The following PNPT1 variants were observed in gnomAD, a reference collection of about 807,000 sequenced individuals.
The protein encoded by PNPT1 is polyribonucleotide nucleotidyltransferase 1, also known as polyribonucleotide nucleotidyltransferase 1, mitochondrial.
PNPT1 carries 53 observed loss-of-function variants against 119.5 expected under a neutral mutation model. The ratio of observed to expected loss-of-function variants is 0.44; its 90% CI spans 0.36 to 0.56. PNPT1 has a LOEUF of 0.56. Among genes scored for constraint, PNPT1 ranks in the 20% least tolerant of loss-of-function variants. The pLI is 0.00. For missense variants in PNPT1, 948 were observed against 938.5 expected, an observed-to-expected ratio of 1.01 and a Z score of -0.13; for synonymous variants, 357 against 322.1, an observed-to-expected ratio of 1.11 and a Z score of -1.16.
At chr2:55,670,011 G>C (rs1444725289) in intron 11 of PNPT1, among the ~76,000 whole-genome samples, 4 of 151,924 alleles carry the variant, frequency 2.6e-5, no homozygotes. Flanking sequence ...CACCCACTTT[G>C]GCTTCCCAAA....
chr2:55,689,745 G>A (rs1381458430), intron 1 of PNPT1, among the ~76,000 whole-genome samples: 1 of 152,176 alleles, frequency 6.6e-6, no homozygotes, highest in East Asian at 1.9e-4. Context: ...GGTGATAGAA[G>A]TGTTCTAAAA....
chr2:55,667,643 A>G (rs570983211), intron 12 of PNPT1, among the ~76,000 whole-genome samples: 102 of 152,198 alleles, frequency 6.7e-4, no homozygotes, highest in Non-Finnish European at 1.1e-3. Flanking sequence ...CCTGAAGTGC[A>G]GTCAGGGCTG....
intron 4 of PNPT1, 100 bp downstream of exon 4, chr2:55,684,843 G>A (rs759141807): frequency 1.5e-6 from 2 of 1,320,346 alleles, no homozygotes; most frequent in Non-Finnish European, 9.8e-7. Context: ...TTAATGCTAT[G>A]AAGGAAAACT....
At chr2:55,654,243 C>T (rs541025367) in intron 18 of PNPT1, among the ~76,000 whole-genome samples, 4 of 133,236 alleles carry the variant, frequency 3.0e-5, no homozygotes, top group South Asian at 2.3e-4. Flanking sequence ...GACAACAGAG[C>T]GAGACTCTGT....
chr2:55,671,509 GTTCTTGA>G, intron 10 of PNPT1, 133 bp from the exon 11 acceptor site: 1 of 524,906 alleles, frequency 1.9e-6, no homozygotes, highest in South Asian at 4.0e-5. Context: ...ATTGGAATTG[GTTCTTGA>G]TTTATGACAA....
At chr2:55,648,523 T>C (rs1377139423) in intron 18 of PNPT1, among the ~76,000 whole-genome samples, 2 of 143,556 alleles carry the variant, frequency 1.4e-5, no homozygotes, top group African/African-American at 5.0e-5. Context: ...TTTTTCTCAA[T>C]TTAAAGTGTA....
intron 18 of PNPT1, among the ~76,000 whole-genome samples, chr2:55,647,815 G>A (rs776058621): frequency 2.0e-5 from 3 of 152,112 alleles, no homozygotes; most frequent in African/African-American, 4.8e-5. Context: ...GAGCCACCGC[G>A]CCCAGCAGAC....
chr2:55,656,429 T>TTA, intron 15 of PNPT1, 58 bp from the exon 16 acceptor site: 3 of 1,438,128 alleles, frequency 2.1e-6, no homozygotes, highest in Non-Finnish European at 2.9e-6. Flanking sequence ...GATGTCCAAG[T>TTA]TATATTACCA....
At chr2:55,671,942 A>G (rs1330067089) in intron 10 of PNPT1, 53 bp downstream of exon 10, 1 of 1,343,758 alleles carries the variant, frequency 7.4e-7, no homozygotes, top group Non-Finnish European at 1.0e-6. Context: ...ATGAGTTATG[A>G]CAAAAATGTA....
Position 55,640,529 on chromosome 2 carries a change from T to C in PNPT1, c.2148+98A>G, listed in dbSNP as rs1000109181. ...CACTTGTTTTCTCTGTTTAGGCTAG[T>C]AGTAGGCAAAGTGTATAATTCTTAC... On this transcript the variant is annotated intron_variant, in intron 26 of 27. Coordinates refer to ENST00000447944, the MANE Select transcript of PNPT1 (RefSeq NM_033109.5). 4 of 1,028,656 alleles carry C rather than the reference T, an allele frequency of 3.9e-6. No homozygotes were observed. The African/African-American group carries it at 4.8e-5, about 12-fold the overall frequency. The allele number at this position is 1,028,656 out of a possible 1,614,324, so 63.7% of individuals were successfully genotyped here. A position where few individuals can be genotyped will look rare whatever the true frequency, so the allele number is the denominator to read the frequency against.
chr2:55,681,818 T>C (rs1245786995), intron 5 of PNPT1, among the ~76,000 whole-genome samples: 2 of 126,810 alleles, frequency 1.6e-5, no homozygotes, highest in Non-Finnish European at 1.6e-5. Flanking sequence ...GTCTCCAGCC[T>C]GGGCAACAAG....
chr2:55,650,813 A>G (rs1246029728), intron 18 of PNPT1, among the ~76,000 whole-genome samples: 3 of 149,952 alleles, frequency 2.0e-5, no homozygotes, highest in South Asian at 2.1e-4. Flanking sequence ...CTGAGAAGTG[A>G]GAAGCCCCTC....
chr2:55,669,203 G>A (rs1207163123), intron 11 of PNPT1, among the ~76,000 whole-genome samples: 1 of 152,070 alleles, frequency 6.6e-6, no homozygotes, highest in East Asian at 1.9e-4. Context: ...AAAAAATAAA[G>A]AGGTGGAGTA....
chr2:55,647,212 T>C (rs1696031270), intron 19 of PNPT1, 135 bp downstream of exon 19: 2 of 605,872 alleles, frequency 3.3e-6, no homozygotes, highest in Non-Finnish European at 5.5e-6. Flanking sequence ...GTTCTTCAAA[T>C]ACTAGCATTC....
chr2:55,649,614 C>T (rs1287091365), intron 18 of PNPT1, among the ~76,000 whole-genome samples: 1 of 152,186 alleles, frequency 6.6e-6, no homozygotes, highest in African/African-American at 2.4e-5. Context: ...TTCCGCAGGG[C>T]TATTCATCAC....
At chr2:55,664,367 G>A (rs1572816302) in intron 13 of PNPT1, among the ~76,000 whole-genome samples, 1 of 152,274 alleles carries the variant, frequency 6.6e-6, no homozygotes, top group East Asian at 1.9e-4. Flanking sequence ...CTTGGGAGGC[G>A]AAGGTAGGAG....
chr2:55,642,826 C>A (rs1412659435), intron 25 of PNPT1, among the ~76,000 whole-genome samples: 1 of 151,504 alleles, frequency 6.6e-6, no homozygotes, highest in African/African-American at 2.4e-5. Context: ...CTGTTAAAAA[C>A]CAAAACAGGG....
chr2:55,684,932 T>C lies in PNPT1; in HGVS notation c.403+11A>G, dbSNP rs1334370134. The C allele has an allele frequency of 6.4e-6, 10 of 1,554,102 alleles. No individual in the cohort carries two copies. The highest frequency in any genetic ancestry group is 7.0e-6 in the Non-Finnish European group (8 of 1,141,208). ...CCAGAGAAGATGAACGCCTCTATGT[T>C]AATATCTTACCTATTATTCGACTTG... On this transcript the variant is annotated intron_variant, in intron 4 of 27. Coordinates refer to ENST00000447944, the MANE Select transcript of PNPT1 (RefSeq NM_033109.5).
At chr2:55,680,396 A>G (rs1697207415) in intron 7 of PNPT1, among the ~76,000 whole-genome samples, 3 of 149,540 alleles carry the variant, frequency 2.0e-5, no homozygotes. Context: ...TTCATCCTGA[A>G]GGAGTATATA....
Sources: allele counts gnomAD v4.1 joint callset (sites outside exome capture counted in the v4.1 genomes callset), GRCh38; gene constraint gnomAD v4.1.1; transcripts MANE v1.5; gene names NCBI Gene and HGNC (gene_info 2026-07-23, HGNC 2026-07-21).